The following ANO3 variants were observed in gnomAD, a reference collection of about 807,000 sequenced individuals.
ANO3 encodes the protein anoctamin-3.
A neutral mutation model predicts 144.8 loss-of-function variants in ANO3; 99 were observed. The ratio of observed to expected loss-of-function variants is 0.68; its 90% CI spans 0.58 to 0.81. ANO3 has a LOEUF of 0.81. ANO3 is among the 30% of genes least tolerant of loss of function. ANO3 has a pLI of 0.00. For missense variants in ANO3, 905 were observed against 1,202.2 expected, an observed-to-expected ratio of 0.75 and a Z score of 3.66; for synonymous variants, 414 against 392.6, an observed-to-expected ratio of 1.05 and a Z score of -0.64.
intron 11 of ANO3, 21 bp from the exon 12 acceptor site, chr11:26,547,395 A>G: frequency 5.0e-6 from 8 of 1,609,268 alleles, no homozygotes; most frequent in Non-Finnish European, 6.8e-6. Context: ...ACTCAGTCTA[A>G]GGATTTGCTT....
At chr11:26,259,687 A>G (rs1853141987) in intron 1 of ANO3, among the ~76,000 whole-genome samples, 1 of 152,104 alleles carries the variant, frequency 6.6e-6, no homozygotes, top group Admixed American at 6.6e-5. Flanking sequence ...TTATAAAAGT[A>G]AATAATATTT....
intron 4 of ANO3, among the ~76,000 whole-genome samples, chr11:26,470,760 C>A (rs72889134): frequency 0.25 from 38,061 of 151,706 alleles, 5,077 homozygotes; most frequent in South Asian, 0.39. Flanking sequence ...GTTTTTAACA[C>A]CGGGTGGTAA....
At chr11:26,595,460 G>GTGTTTTTT in intron 14 of ANO3, among the ~76,000 whole-genome samples, 4 of 101,388 alleles carry the variant, frequency 3.9e-5, no homozygotes, top group East Asian at 3.0e-4. Flanking sequence ...AGATAGAGTT[G>GTGTTTTTT]TTTTTTTTTT....
intron 5 of ANO3, among the ~76,000 whole-genome samples, chr11:26,509,709 T>A (rs1861582232): frequency 6.6e-6 from 1 of 152,184 alleles, no homozygotes; most frequent in South Asian, 2.1e-4. Context: ...AATTTGCTAA[T>A]AAGCATCATC....
intron 18 of ANO3, among the ~76,000 whole-genome samples, chr11:26,629,562 G>A (rs574852648): frequency 1.3e-5 from 2 of 152,124 alleles, no homozygotes; most frequent in African/African-American, 2.4e-5. Context: ...TTTAGACAAC[G>A]TGATAGGGAG....
chr11:26,534,240 G>A (rs1030653617), intron 8 of ANO3, among the ~76,000 whole-genome samples: 2 of 152,152 alleles, frequency 1.3e-5, no homozygotes, highest in African/African-American at 4.8e-5. Context: ...ATAAGAAATA[G>A]GAACACTTAT....
chr11:26,323,351 A>C (rs1251387722), intron 1 of ANO3, among the ~76,000 whole-genome samples: 1 of 152,100 alleles, frequency 6.6e-6, no homozygotes, highest in African/African-American at 2.4e-5. Flanking sequence ...GTTTTGTTTT[A>C]CTGTGTATGC....
At chr11:26,349,897 T>C (rs1364905136) in intron 1 of ANO3, among the ~76,000 whole-genome samples, 4 of 152,030 alleles carry the variant, frequency 2.6e-5, no homozygotes, top group Non-Finnish European at 5.9e-5. Context: ...GAATCTTCCA[T>C]AGTGTTAGGA....
Position 26,215,415 on chromosome 11 carries a change from C to T in ANO3, c.154+26085C>T, listed in dbSNP as rs1852016937. ...GGCCACTGGGAGCTGTTTCAGTTGG[C>T]TCCGTTGTCCCTTTGAACTGCCACT... On this transcript the variant is annotated intron_variant, in intron 1 of 27. Coordinates refer to the ANO3 transcript ENST00000672621. Among the ~76,000 whole-genome samples the T allele has an allele frequency of 2.0e-5, 3 of 151,968 alleles. No homozygotes were observed. In the South Asian group the frequency reaches 6.2e-4, roughly 31 times the overall value.
rs375830215 is a variant in ANO3 at position 26,337,819 on chromosome 11, C to T, written c.46+5498C>T. On this transcript the variant is annotated intron_variant, in intron 1 of 26. Transcript: ENST00000256737. ...GTGTGGTGACGGGCACCTGTAATCC[C>T]AGCTACTCAGGAGGCTGAGGCAGGA... Among the ~76,000 whole-genome samples, 9 of 152,204 alleles carry T rather than the reference C, an allele frequency of 5.9e-5. No homozygotes were observed. In the East Asian group the frequency reaches 1.7e-3, roughly 29 times the overall value.
Position 26,413,342 on chromosome 11 carries a change from T to C in ANO3, c.47-28576T>C, listed in dbSNP as rs1323635030. Among the ~76,000 whole-genome samples, 7 of 152,024 alleles carry C rather than the reference T, an allele frequency of 4.6e-5. 1 individual carries two copies. The South Asian group carries it at 1.4e-3, about 31-fold the overall frequency. On this transcript the variant is annotated intron_variant, in intron 1 of 26. Transcript: ENST00000256737. The stretch of plus-strand genomic sequence containing the variant: ...TACTGCAGATAATAATTAGAGTGTT[T>C]GTATGATGTATTTTCATTTCTACAC...
At chr11:26,279,600 G>A (rs1224218127) in intron 1 of ANO3, among the ~76,000 whole-genome samples, 2 of 152,166 alleles carry the variant, frequency 1.3e-5, no homozygotes, top group Non-Finnish European at 2.9e-5. Flanking sequence ...AACATCACTT[G>A]TCTTTTTGCA....
intron 1 of ANO3, among the ~76,000 whole-genome samples, chr11:26,317,515 C>G (rs371454947): frequency 6.2e-4 from 95 of 152,274 alleles, no homozygotes; most frequent in African/African-American, 2.2e-3. Context: ...AAAAGCTCAT[C>G]ATCACTGGTC....
intron 4 of ANO3, among the ~76,000 whole-genome samples, chr11:26,480,162 C>T (rs1426261979): frequency 6.6e-6 from 1 of 152,146 alleles, no homozygotes; most frequent in African/African-American, 2.4e-5. Context: ...ACTTCTAATG[C>T]CTCATACCCA....
chr11:26,314,748 G>A (rs1854581928), intron 1 of ANO3, among the ~76,000 whole-genome samples: 1 of 152,130 alleles, frequency 6.6e-6, no homozygotes, highest in Non-Finnish European at 1.5e-5. Flanking sequence ...ATAAATATGT[G>A]AAATAATGAT....
rs535394853 is a variant in ANO3 at position 26,663,238 on chromosome 11, A to G, written c.*2794A>G. 1 of 152,196 alleles carries G rather than the reference A, an allele frequency of 6.6e-6. No homozygotes were observed. The highest frequency in any genetic ancestry group is 2.1e-4 in the South Asian group (1 of 4,828). 9.4% of individuals were successfully genotyped at this position (152,196 alleles called of 1,614,324 possible). ...GATCCTTAGCACAATCTATTGTATG[A>G]TGGAATGAATAGAAAACTTTTTCAC... On this transcript the variant is annotated 3_prime_UTR_variant, in exon 27 of 27. Coordinates refer to ENST00000256737, the MANE Select transcript of ANO3 (RefSeq NM_031418.4).
intron 1 of ANO3, among the ~76,000 whole-genome samples, chr11:26,236,156 A>T (rs1852517230): frequency 6.6e-6 from 1 of 152,160 alleles, no homozygotes; most frequent in Admixed American, 6.5e-5. Context: ...CCAGCTTTCT[A>T]TATATGAACA....
chr11:26,466,552 G>A (rs1859608893), intron 4 of ANO3, among the ~76,000 whole-genome samples: 2 of 152,094 alleles, frequency 1.3e-5, no homozygotes, highest in South Asian at 4.1e-4. Context: ...CCTTTACCAT[G>A]TGAATAAGTC....
chr11:26,306,253 C>T (rs2133866859), upstream of ANO3, among the ~76,000 whole-genome samples: 1 of 151,290 alleles, frequency 6.6e-6, no homozygotes, highest in Non-Finnish European at 1.5e-5. Flanking sequence ...GGATTATAGG[C>T]GTGAGCCACC....
Sources: allele counts gnomAD v4.1 joint callset (sites outside exome capture counted in the v4.1 genomes callset), GRCh38; gene constraint gnomAD v4.1.1; transcripts MANE v1.5; gene names NCBI Gene and HGNC (gene_info 2026-07-23, HGNC 2026-07-21).